Variants in CHD1 observed in about 807,000 individuals in gnomAD.
CHD1 encodes ATP-dependent chromatin remodeler CHD1.
In CHD1, 36 loss-of-function variants were observed where a neutral mutation model predicts 224.2. The observed-to-expected ratio is 0.16, with a 90% CI of 0.12 to 0.21. The LOEUF (loss-of-function observed/expected upper bound fraction) is 0.21. Ranked by LOEUF, CHD1 falls within the 10% of genes least tolerant of loss-of-function variation. CHD1 has a pLI of 1.00. For missense variants in CHD1, 1,378 were observed against 1,994.8 expected (o/e 0.69, Z 5.89); for synonymous variants, 668 against 658.3 (o/e 1.01, Z -0.23).
intron 2 of CHD1, among the ~76,000 whole-genome samples, chr5:98,918,309 T>C (rs1752875519): frequency 6.6e-6 from 1 of 151,468 alleles, no homozygotes; most frequent in African/African-American, 2.4e-5. Context: ...TCCACCCGAC[T>C]CGGCCTCCCA....
rs114699149 is a variant in CHD1, at chr5:98,918,460, G to T, written c.53+7874C>A. Among the ~76,000 whole-genome samples the T allele has an allele frequency of 7.2e-3, 1,083 of 151,182 alleles. 10 individuals carry two copies. The highest frequency in any genetic ancestry group is 0.028 in the South Asian group (135 of 4,762). ...GGACTTGCATACTTCTTTAATGGGG[G>T]ACTATGACTTCCATAAACATCTTCC... On this transcript the variant is annotated intron_variant, in intron 2 of 35. Coordinates refer to ENST00000614616, the MANE Select transcript of CHD1 (RefSeq NM_001270.4).
chr5:98,863,584 A>G lies in CHD1; in HGVS notation c.4251T>C (p.Cys1417=). The G allele has an allele frequency of 6.3e-7, 1 of 1,595,586 alleles. No individual in the cohort carries two copies. Among genetic ancestry groups the G allele is most frequent in the Non-Finnish European group, 8.5e-7 (1 of 1,174,894 alleles). Residue 1417 remains cysteine, a splice_region_variant and synonymous_variant, in exon 32 of 36, where the codon TGT becomes TGC. Transcript: ENST00000614616. ...EELDQKTFSI[C]KERMRPVKAA... is the part of the protein sequence containing the mutation. The stretch of plus-strand genomic sequence containing the variant: ...CTTTAACAGGCCTCATTCTTTCTTT[A>G]CACTTTAAAATGAGAAAACAAGAAT...
At chr5:98,921,544 G>GT (rs1488617112) in intron 2 of CHD1, among the ~76,000 whole-genome samples, 1 of 152,070 alleles carries the variant, frequency 6.6e-6, no homozygotes, top group Non-Finnish European at 1.5e-5. Flanking sequence ...ACCACAACTG[G>GT]TGCAACTTTT....
At chr5:98,883,319 A>G (rs1352276898) in intron 18 of CHD1, 82 bp from the exon 19 acceptor site, 1 of 873,234 alleles carries the variant, frequency 1.1e-6, no homozygotes, top group Non-Finnish European at 1.7e-6. Context: ...ATTAAACAGA[A>G]AGGCAGTTTT....
intron 17 of CHD1, among the ~76,000 whole-genome samples, chr5:98,887,514 C>A (rs1042553743): frequency 6.6e-6 from 1 of 152,084 alleles, no homozygotes; most frequent in African/African-American, 2.4e-5. Flanking sequence ...GTAATTAGAT[C>A]TGAAGTACTG....
intron 5 of CHD1, 95 bp downstream of exon 5, chr5:98,902,805 G>A (rs1250467258): frequency 7.3e-6 from 5 of 682,962 alleles, no homozygotes; most frequent in Non-Finnish European, 1.2e-5. Context: ...GAATTTAGAA[G>A]AGTCTCCTTT....
chr5:98,915,116 T>C (rs1030728015), intron 2 of CHD1, among the ~76,000 whole-genome samples: 1 of 152,194 alleles, frequency 6.6e-6, no homozygotes, highest in African/African-American at 2.4e-5. Context: ...TACATCATGA[T>C]GAAGTATACA....
At chr5:98,867,014 T>C (rs1748923724) in intron 31 of CHD1, among the ~76,000 whole-genome samples, 1 of 152,170 alleles carries the variant, frequency 6.6e-6, no homozygotes, top group African/African-American at 2.4e-5. Context: ...TCTGTAAACT[T>C]TACATGTACC....
intron 27 of CHD1, 38 bp from the exon 28 acceptor site, chr5:98,872,239 T>C: frequency 6.4e-7 from 1 of 1,571,090 alleles, no homozygotes; most frequent in Non-Finnish European, 8.6e-7. Context: ...AAGTTTGTAA[T>C]TGCCTTAACT....
intron 24 of CHD1, 38 bp downstream of exon 24, chr5:98,876,360 T>G (rs1749756729): frequency 2.5e-6 from 4 of 1,596,304 alleles, no homozygotes; most frequent in Non-Finnish European, 2.6e-6. Flanking sequence ...CACACTCTAC[T>G]AAAACCAAGT....
intron 10 of CHD1, among the ~76,000 whole-genome samples, chr5:98,897,833 T>C (rs1027953946): frequency 6.6e-6 from 1 of 152,200 alleles, no homozygotes; most frequent in South Asian, 2.1e-4. Flanking sequence ...TACTTTCCTA[T>C]ATCACTCTCC....
In CHD1 at chr5:98,868,331, G is replaced by GAAAA. The variant is rs58475767; in HGVS notation, c.4248+160_4248+163dup. Among the ~76,000 whole-genome samples, 7 of 91,680 alleles carry GAAAA rather than the reference G, an allele frequency of 7.6e-5. No homozygotes were observed. In the East Asian group the frequency reaches 1.4e-3, roughly 18 times the overall value. The allele number at this position is 91,680 out of a possible 152,430, so 60.1% of individuals were successfully genotyped here. A position where few individuals can be genotyped will look rare whatever the true frequency, so the allele number is the denominator to read the frequency against. ...GACAGTGAGATGCTAACTCAAAAAA[G>GAAAA]AAAAAAAAAAAAAAAAAAAAGACAC... On this transcript the variant is annotated intron_variant, in intron 31 of 35. Transcript: ENST00000614616.
chr5:98,859,212 A>T (rs1451025334), intron 33 of CHD1, among the ~76,000 whole-genome samples, 197 bp from the exon 34 acceptor site: 1 of 152,126 alleles, frequency 6.6e-6, no homozygotes, highest in Non-Finnish European at 1.5e-5. Flanking sequence ...TGACTTAAAG[A>T]TATTTTTTCA....
intron 23 of CHD1, 31 bp from the exon 24 acceptor site, chr5:98,876,589 G>A: frequency 6.3e-7 from 1 of 1,588,824 alleles, no homozygotes; most frequent in South Asian, 1.1e-5. Flanking sequence ...CCCAACCTTA[G>A]TGTAAAAACA....
At position 98,868,639 on chromosome 5, in the gene CHD1, A is replaced by C. The variant is rs926075960; in HGVS notation, c.4108-4T>G. The C allele has an allele frequency of 5.2e-6, 8 of 1,544,134 alleles. No individual in the cohort carries two copies. In the Admixed American group the frequency reaches 1.3e-4, roughly 25 times the overall value. On this transcript the variant is annotated splice_polypyrimidine_tract_variant and splice_region_variant and intron_variant, in intron 30 of 35. Transcript: ENST00000614616. ...CATCAGACTTGGATTCACTCAACTA[A>C]AGAAAAAGTGAAAAGAAAACAAAAA... is the stretch of plus-strand genomic sequence containing the variant.
At chr5:98,867,804 T>TG (rs1749006349) in intron 31 of CHD1, among the ~76,000 whole-genome samples, 1 of 146,770 alleles carries the variant, frequency 6.8e-6, no homozygotes, top group Admixed American at 6.8e-5. Flanking sequence ...TGTTTTTTTT[T>TG]TTTTTTTTTT....
rs1372881228 is a variant in CHD1 at position 98,899,724 on chromosome 5, G to A, written c.860-19C>T. On this transcript the variant is annotated intron_variant, in intron 7 of 35. Coordinates refer to ENST00000614616, the MANE Select transcript of CHD1 (RefSeq NM_001270.4). ...CCAGTAGCTGAAAACAAAAGCACAA[G>A]ATCCTTCCATGTAATTAATTCTGTT... The A allele has an allele frequency of 1.3e-6, 2 of 1,538,014 alleles. No homozygotes were observed. The highest frequency in any genetic ancestry group is 1.1e-5 in the South Asian group (1 of 88,044).
At position 98,903,887 on chromosome 5, in the gene CHD1, T is replaced by C. The variant is rs753524145; in HGVS notation, c.277A>G (p.Ile93Val). The C allele has an allele frequency of 3.1e-6, 5 of 1,606,412 alleles. No homozygotes were observed. In the South Asian group the frequency reaches 4.4e-5, roughly 14 times the overall value. ...ATTGCAGATCTCTGAACGGCCAGAA[T>C]ACTAGGACTAGATTTCCAAAACTAT... Reference protein sequence around the residue: ...GAEFWKSSPSILAVQRSAILK... With the variant: ...GAEFWKSSPSVLAVQRSAILK... The change falls in exon 4 of 36, where the codon ATT (isoleucine) becomes GTT (valine). Residue 93 changes from isoleucine to valine, a missense_variant. Ile to Val is a conservative substitution (Grantham distance 29, BLOSUM62 3). Transcript: ENST00000614616.
rs1212909262 is a variant in CHD1 at position 98,892,723 on chromosome 5, T to G, written c.1992-10A>C. 2 of 1,556,160 alleles carry G rather than the reference T, an allele frequency of 1.3e-6. No homozygotes were observed. The highest frequency in any genetic ancestry group is 1.7e-6 in the Non-Finnish European group (2 of 1,147,492). ...TTCCCAGGAAGAAAACCTTTAAAAT[T>G]TAAGAAATTGGAACAATTACTAGAA... On this transcript the variant is annotated splice_polypyrimidine_tract_variant and intron_variant, in intron 14 of 35. Transcript: ENST00000614616.
Sources: gnomAD v4.1 joint callset for allele counts (sites outside exome capture counted in the v4.1 genomes callset) on GRCh38, gnomAD v4.1.1 for gene constraint, MANE v1.5 for transcripts, NCBI Gene and HGNC (gene_info 2026-07-23, HGNC 2026-07-21) for gene names.